Variants in NRG3 observed in about 807,000 individuals in gnomAD.
The protein encoded by NRG3 is pro-neuregulin-3, membrane-bound isoform.
NRG3 carries 31 observed loss-of-function variants against 66.9 expected under a neutral mutation model. The ratio of observed to expected loss-of-function variants is 0.46; its 90% CI spans 0.35 to 0.63. NRG3 has a LOEUF of 0.63. NRG3 is among the 20% of genes least tolerant of loss of function. The probability of loss-of-function intolerance (pLI) is 0.00; values close to 1 mark genes in which losing one functional copy is unlikely to be tolerated. For missense variants in NRG3, 910 were observed against 878.9 expected (o/e 1.04, Z -0.45); for synonymous variants, 393 against 359.4 (o/e 1.09, Z -1.06).
chr10:82,029,501 A>G lies in NRG3; in HGVS notation c.823+153338A>G, dbSNP rs545069790. ...GTGCTGATTCAAAGCTGTCAACCCA[A>G]CATCTTCCTGGGATCTCACCTGCCT... On this transcript the variant is annotated intron_variant, in intron 1 of 8. Coordinates refer to ENST00000372141, the MANE Select transcript of NRG3 (RefSeq NM_001010848.4). Among the ~76,000 whole-genome samples the G allele has an allele frequency of 2.0e-4, 30 of 152,230 alleles. No homozygotes were observed. In the South Asian group the frequency reaches 5.0e-3, roughly 25 times the overall value.
intron 2 of NRG3, among the ~76,000 whole-genome samples, chr10:82,449,957 G>A (rs1422523787): frequency 6.6e-6 from 1 of 152,174 alleles, no homozygotes; most frequent in Admixed American, 6.5e-5. Flanking sequence ...CTAGCCATGG[G>A]TTTGGAAAGA....
intron 1 of NRG3, among the ~76,000 whole-genome samples, chr10:81,967,256 ATATT>A (rs1211662390): frequency 6.6e-6 from 1 of 151,708 alleles, no homozygotes; most frequent in Non-Finnish European, 1.5e-5. Flanking sequence ...TTCCCTGATA[ATATT>A]TATTTAATCC....
chr10:81,959,329 T>C (rs1850133763), intron 1 of NRG3, among the ~76,000 whole-genome samples: 1 of 152,142 alleles, frequency 6.6e-6, no homozygotes, highest in Admixed American at 6.6e-5. Context: ...ATAATACATA[T>C]CCTCATGGTT....
chr10:82,104,473 T>C (rs964562340), intron 1 of NRG3, among the ~76,000 whole-genome samples: 3 of 152,184 alleles, frequency 2.0e-5, no homozygotes, highest in African/African-American at 4.8e-5. Context: ...ACAATATTTG[T>C]AAAATTTGTA....
At chr10:81,939,921 T>G (rs2133084205) in intron 1 of NRG3, among the ~76,000 whole-genome samples, 1 of 152,180 alleles carries the variant, frequency 6.6e-6, no homozygotes, top group African/African-American at 2.4e-5. Flanking sequence ...TACAAACTTC[T>G]TTTATATTAA....
chr10:82,161,019 T>C (rs762062281), intron 1 of NRG3, among the ~76,000 whole-genome samples: 1 of 152,052 alleles, frequency 6.6e-6, no homozygotes, highest in East Asian at 1.9e-4. Context: ...GTGAAGTCTT[T>C]CTGTCTTGAG....
intron 1 of NRG3, among the ~76,000 whole-genome samples, chr10:82,182,955 A>G (rs914500788): frequency 2.0e-5 from 3 of 151,942 alleles, no homozygotes; most frequent in African/African-American, 7.2e-5. Flanking sequence ...TTCATTTTTG[A>G]CTGCAAGGTT....
chr10:81,989,967 A>G (rs776568815), intron 1 of NRG3, among the ~76,000 whole-genome samples: 5 of 152,182 alleles, frequency 3.3e-5, no homozygotes, highest in Non-Finnish European at 7.4e-5. Context: ...CTAATTGTTC[A>G]GGGGGCAAAT....
At chr10:82,714,216 T>C (rs1178155384) in intron 2 of NRG3, among the ~76,000 whole-genome samples, 1 of 152,212 alleles carries the variant, frequency 6.6e-6, no homozygotes, top group African/African-American at 2.4e-5. Flanking sequence ...TTTCTTCATG[T>C]AGTTATCATG....
chr10:82,465,661 G>A (rs905118782), intron 2 of NRG3, among the ~76,000 whole-genome samples: 35 of 152,056 alleles, frequency 2.3e-4, no homozygotes, highest in Non-Finnish European at 4.0e-4. Context: ...TGAGGCCAGG[G>A]CCCAGAACCT....
intron 1 of NRG3, among the ~76,000 whole-genome samples, chr10:81,991,405 T>G (rs907403184): frequency 6.6e-6 from 1 of 152,134 alleles, no homozygotes; most frequent in African/African-American, 2.4e-5. Context: ...ATGCTCAAAG[T>G]CTGTTAATGA....
At position 81,927,174 on chromosome 10, in the gene NRG3, T is replaced by C. The variant is rs185887718; in HGVS notation, c.823+51011T>C. Among the ~76,000 whole-genome samples, 971 of 152,320 alleles carry C rather than the reference T, an allele frequency of 6.4e-3. 6 individuals are homozygous for C. The highest frequency in any genetic ancestry group is 0.017 in the Middle Eastern group (5 of 294). ...TATGATCATATATCCTTTACTTACT[T>C]TTGGCTTGACACAAAACATATGCCT... On this transcript the variant is annotated intron_variant, in intron 1 of 8. Coordinates refer to ENST00000372141, the MANE Select transcript of NRG3 (RefSeq NM_001010848.4).
At position 81,960,960 on chromosome 10, in the gene NRG3, TG is replaced by T. The variant is rs538017140; in HGVS notation, c.823+84799del. Among the ~76,000 whole-genome samples, 39 of 152,176 alleles carry T rather than the reference TG, an allele frequency of 2.6e-4. 1 individual carries two copies. The South Asian group carries it at 7.9e-3, about 31-fold the overall frequency. On this transcript the variant is annotated intron_variant, in intron 1 of 8. Coordinates refer to ENST00000372141, the MANE Select transcript of NRG3 (RefSeq NM_001010848.4). ...CCTTCTTCTCTGCATGACCAAAACT[TG>T]GTATTCAAAATTCAATCTTAGTGTT...
chr10:82,016,559 G>A (rs1306703579), intron 1 of NRG3, among the ~76,000 whole-genome samples: 1 of 152,068 alleles, frequency 6.6e-6, no homozygotes, highest in African/African-American at 2.4e-5. Context: ...GCTTAGGACA[G>A]GTGTCTTGAT....
At chr10:82,668,281 A>T (rs569092111) in intron 2 of NRG3, among the ~76,000 whole-genome samples, 7 of 152,348 alleles carry the variant, frequency 4.6e-5, no homozygotes, top group African/African-American at 1.4e-4. Flanking sequence ...CTTTCTCAGT[A>T]CTACAGAGAG....
chr10:82,193,484 A>T (rs1292665311), intron 1 of NRG3, among the ~76,000 whole-genome samples: 1 of 128,262 alleles, frequency 7.8e-6, no homozygotes, highest in East Asian at 2.0e-4. Flanking sequence ...ACTGTTGTAT[A>T]AAAACTGATT....
chr10:82,200,116 T>C (rs777322701), intron 1 of NRG3, among the ~76,000 whole-genome samples: 10 of 152,188 alleles, frequency 6.6e-5, no homozygotes, highest in Non-Finnish European at 1.3e-4. Flanking sequence ...GACACTATTC[T>C]AAGTACTGGA....
Position 82,109,577 on chromosome 10 carries a change from G to GTGTA in NRG3, c.823+233415_823+233416insGTAT, listed in dbSNP as rs1341763664. On this transcript the variant is annotated intron_variant, in intron 1 of 8. Transcript: ENST00000372141. ...TGTGTGTGTGTGTGTGTGTGTGTGT[G>GTGTA]TATATATATATTTTCAGATCAAATT... Among the ~76,000 whole-genome samples, 19 of 125,316 alleles carry GTGTA rather than the reference G, an allele frequency of 1.5e-4. No homozygotes were observed. In the South Asian group the frequency reaches 1.7e-3, roughly 11 times the overall value. 82.2% of individuals were successfully genotyped at this position (125,316 alleles called of 152,430 possible).
intron 1 of NRG3, among the ~76,000 whole-genome samples, chr10:82,005,220 A>G (rs2061337754): frequency 6.6e-6 from 1 of 152,190 alleles, no homozygotes; most frequent in Non-Finnish European, 1.5e-5. Flanking sequence ...GCCTGCCTGT[A>G]GTGGTAGATA....
Sources: allele counts gnomAD v4.1 joint callset (sites outside exome capture counted in the v4.1 genomes callset), GRCh38; gene constraint gnomAD v4.1.1; transcripts MANE v1.5; gene names NCBI Gene and HGNC (gene_info 2026-07-23, HGNC 2026-07-21).